Variants in TTLL11 observed in about 807,000 individuals in gnomAD.
TTLL11 encodes the protein tubulin polyglutamylase TTLL11.
In TTLL11, 42 loss-of-function variants were observed where a neutral mutation model predicts 51.7. The ratio of observed to expected loss-of-function variants is 0.81; its 90% confidence interval spans 0.64 to 1.05. The LOEUF is 1.05. TTLL11 is among the 50% of genes least tolerant of loss of function. The probability of loss-of-function intolerance (pLI) is 0.00; values close to 1 mark genes in which losing one functional copy is unlikely to be tolerated. For synonymous variants in TTLL11, 381 were observed against 383.5 expected, an observed-to-expected ratio of 0.99 and a Z score of 0.08; for missense variants, 799 against 940.4, an observed-to-expected ratio of 0.85 and a Z score of 1.97.
chr9:121,985,481 G>A (rs1842918444), intron 4 of TTLL11, among the ~76,000 whole-genome samples: 1 of 150,562 alleles, frequency 6.6e-6, no homozygotes, highest in Non-Finnish European at 1.5e-5. Flanking sequence ...GTAAGAGAGG[G>A]CTCCAAGGAG....
intron 6 of TTLL11, among the ~76,000 whole-genome samples, chr9:121,927,648 GA>G (rs1840789980): frequency 7.6e-6 from 1 of 131,170 alleles, no homozygotes. Flanking sequence ...TTTTTTTTTT[GA>G]AGGTGGGAGA....
intron 1 of TTLL11, among the ~76,000 whole-genome samples, chr9:122,091,282 C>G (rs934840277): frequency 6.6e-6 from 1 of 152,236 alleles, no homozygotes; most frequent in African/African-American, 2.4e-5. Context: ...ACGGCACTGA[C>G]AAGTTGTCCA....
At chr9:121,909,104 T>C (rs1407922936) in intron 6 of TTLL11, among the ~76,000 whole-genome samples, 1 of 152,210 alleles carries the variant, frequency 6.6e-6, no homozygotes, top group African/African-American at 2.4e-5. Flanking sequence ...GTTCATTCAT[T>C]ATGCCATCCA....
intron 6 of TTLL11, among the ~76,000 whole-genome samples, chr9:121,948,037 AC>A (rs1243761534): frequency 1.3e-5 from 2 of 152,334 alleles, no homozygotes. Context: ...ACACTCTCAG[AC>A]CTGGCACTAG....
At position 121,822,772 on chromosome 9, in the gene TTLL11, A is replaced by T. The variant is rs1310879405; in HGVS notation, c.1948T>A (p.Tyr650Asn). The T allele has an allele frequency of 6.4e-7, 1 of 1,551,664 alleles. No individual in the cohort carries two copies. Among genetic ancestry groups the T allele is most frequent in the Non-Finnish European group, 8.7e-7 (1 of 1,146,978 alleles). The change falls in exon 9 of 9, where the codon TAC becomes AAC. Residue 650 changes from tyrosine (Y) to asparagine (N), a missense_variant. Tyr to Asn is a moderately radical substitution (Grantham distance 143). This residue lies in a region of TTLL11 where 165 missense variants were observed against 166.1 expected (regional missense o/e 0.99). Transcript: ENST00000321582. The surrounding 1 kb of genome is among the most constrained non-coding windows in gnomAD (Gnocchi z 5.8). Reference protein sequence around the residue: ...QVASLIDLCEYHLSLLDEKRL... With the variant: ...QVASLIDLCENHLSLLDEKRL... ...TTTTCATCCAGCAGGGACAGGTGGT[A>T]CTCGCAAAGGTCAATCAGTGAGGCC...
At chr9:121,829,244 G>A (rs193121005) in intron 8 of TTLL11, among the ~76,000 whole-genome samples, 2 of 152,078 alleles carry the variant, frequency 1.3e-5, no homozygotes, top group African/African-American at 4.8e-5. Context: ...GTGAGCCACC[G>A]TGCCCAGCCA....
intron 2 of TTLL11, among the ~76,000 whole-genome samples, chr9:122,034,542 T>G (rs1023089183): frequency 1.3e-5 from 2 of 152,124 alleles, no homozygotes; most frequent in East Asian, 1.9e-4. Context: ...CTTCTCTCAA[T>G]CCACTTAGCA....
At chr9:121,852,238 G>A (rs957588734) in intron 8 of TTLL11, among the ~76,000 whole-genome samples, 4 of 152,218 alleles carry the variant, frequency 2.6e-5, no homozygotes, top group Non-Finnish European at 5.9e-5. Context: ...GTGGTGGTTA[G>A]ACAGAGAAAA....
intron 1 of TTLL11, among the ~76,000 whole-genome samples, chr9:122,087,193 G>T (rs1846147653): frequency 1.3e-5 from 2 of 151,540 alleles, no homozygotes; most frequent in African/African-American, 4.9e-5. Flanking sequence ...AATAAATAAT[G>T]CATAGTAAAT....
intron 3 of TTLL11, among the ~76,000 whole-genome samples, chr9:121,996,448 A>G (rs890188585): frequency 6.6e-6 from 1 of 152,060 alleles, no homozygotes; most frequent in Non-Finnish European, 1.5e-5. Flanking sequence ...AGGAATCATC[A>G]CTACACACAC....
intron 6 of TTLL11, among the ~76,000 whole-genome samples, chr9:121,929,730 G>A (rs897824459): frequency 9.2e-5 from 14 of 152,204 alleles, no homozygotes; most frequent in Admixed American, 2.6e-4. Context: ...CAAGAAGAAA[G>A]CACACTTGAC....
chr9:121,996,087 T>A (rs1843250669), intron 3 of TTLL11, among the ~76,000 whole-genome samples: 3 of 152,184 alleles, frequency 2.0e-5, no homozygotes, highest in Non-Finnish European at 2.9e-5. Flanking sequence ...GGCAGTGGCA[T>A]CGATTACCCC....
intron 3 of TTLL11, among the ~76,000 whole-genome samples, chr9:121,997,824 C>G (rs551345868): frequency 6.6e-6 from 1 of 152,144 alleles, no homozygotes; most frequent in African/African-American, 2.4e-5. Flanking sequence ...CTCCAGTGCT[C>G]GCCCATGGGT....
At chr9:121,877,032 A>T (rs1433549694) in intron 6 of TTLL11, among the ~76,000 whole-genome samples, 1 of 152,218 alleles carries the variant, frequency 6.6e-6, no homozygotes, top group Non-Finnish European at 1.5e-5. Context: ...GTGGGACAAA[A>T]GGGGAGAGAA....
intron 8 of TTLL11, among the ~76,000 whole-genome samples, chr9:121,839,712 C>T (rs1481470539): frequency 6.6e-6 from 1 of 151,364 alleles, no homozygotes; most frequent in Non-Finnish European, 1.5e-5. Flanking sequence ...CAGCCACCAA[C>T]AGCAACCCTC....
At chr9:121,896,932 C>T (rs1839549138) in intron 6 of TTLL11, among the ~76,000 whole-genome samples, 1 of 152,222 alleles carries the variant, frequency 6.6e-6, no homozygotes, top group Non-Finnish European at 1.5e-5. Flanking sequence ...TAGGTCTTTT[C>T]CTTATGACCG....
intron 8 of TTLL11, among the ~76,000 whole-genome samples, chr9:121,828,242 G>A (rs1008565690): frequency 1.4e-5 from 2 of 147,294 alleles, no homozygotes; most frequent in East Asian, 4.0e-4. Context: ...GTGAGATCTC[G>A]GCTCATTGCA....
chr9:122,057,536 G>A (rs1014508799), intron 1 of TTLL11, among the ~76,000 whole-genome samples: 5 of 151,906 alleles, frequency 3.3e-5, no homozygotes, highest in African/African-American at 1.2e-4. Flanking sequence ...CATGTTGGCC[G>A]GGGTGGTCTC....
chr9:121,989,917 T>A lies in TTLL11; in HGVS notation c.694-147A>T, dbSNP rs1176870994. On this transcript the variant is annotated intron_variant, in intron 3 of 8. Coordinates refer to ENST00000321582, the MANE Select transcript of TTLL11 (RefSeq NM_001139442.2). This position sits in a 1 kb window ranked among gnomAD's most constrained non-coding sequence, Gnocchi z 4.2. The stretch of plus-strand genomic sequence containing the variant: ...AGGGGCTGAGCATCTTCCATGGAGA[T>A]GACACTGCACAAGGTACTGAGATGG... 4.1e-6 allele frequency: 6 copies of A among 1,460,402 alleles called. No homozygotes were observed. The highest frequency in any genetic ancestry group is 9.0e-7 in the Non-Finnish European group (1 of 1,111,508). The allele number at this position is 1,460,402 out of a possible 1,614,324, so 90.5% of individuals were successfully genotyped here.
Sources: gnomAD v4.1 joint callset for allele counts (sites outside exome capture counted in the v4.1 genomes callset) on GRCh38, gnomAD v4.1.1 for gene constraint, gnomAD v4.1.1 regional missense constraint, Gnocchi (gnomAD v3.1) non-coding constraint, MANE v1.5 for transcripts, NCBI Gene and HGNC (gene_info 2026-07-23, HGNC 2026-07-21) for gene names.